The following WNK3 variants were observed in gnomAD, a reference collection of about 807,000 sequenced individuals.
WNK3 encodes serine/threonine-protein kinase WNK3.
A neutral mutation model predicts 116.7 loss-of-function variants in WNK3; 18 were observed. That is an observed-to-expected ratio of 0.15 (90% CI 0.11 to 0.23). The LOEUF is 0.23. Among genes scored for constraint, WNK3 ranks in the 10% least tolerant of loss-of-function variants. The probability of loss-of-function intolerance (pLI) is 1.00; values close to 1 mark genes in which losing one functional copy is unlikely to be tolerated. For synonymous variants in WNK3, 404 were observed against 469.4 expected (o/e 0.86, Z 1.80); for missense variants, 993 against 1,323.8 (o/e 0.75, Z 3.88).
chrX:54,292,862 T>A (rs2068654577), intron 10 of WNK3, 26 bp downstream of exon 10: 6 of 1,196,935 alleles, frequency 5.0e-6, no homozygotes, highest in Non-Finnish European at 5.6e-6. Context: ...TTTAAATGAA[T>A]ACAGAACCTC....
chrX:54,312,134 T>C (rs377149596), intron 2 of WNK3, among the ~76,000 whole-genome samples: 244 of 109,991 alleles, frequency 2.2e-3, no homozygotes, highest in Middle Eastern at 4.7e-3. Flanking sequence ...ATGGCTAACA[T>C]AGTGAGACCC....
chrX:54,313,278 C>T (rs112497243), intron 2 of WNK3, among the ~76,000 whole-genome samples: 2,751 of 110,703 alleles, frequency 0.025, 94 homozygotes, highest in African/African-American at 0.087. Context: ...ATATTTCTTG[C>T]TTGAAGGATA....
chrX:54,244,276 T>C (rs781835403), intron 17 of WNK3, among the ~76,000 whole-genome samples: 1 of 111,681 alleles, frequency 9.0e-6, no homozygotes, highest in East Asian at 2.8e-4. Flanking sequence ...ACAAAGAATA[T>C]GAAATAAGAT....
At chrX:54,353,871 C>G (rs1217848442) in intron 1 of WNK3, among the ~76,000 whole-genome samples, 2 of 109,665 alleles carry the variant, frequency 1.8e-5, no homozygotes, top group African/African-American at 6.6e-5. Flanking sequence ...ATCACAAGGT[C>G]AAGAGTTCGA....
intron 10 of WNK3, among the ~76,000 whole-genome samples, chrX:54,273,528 C>T (rs896111637): frequency 8.1e-5 from 9 of 111,574 alleles, no homozygotes; most frequent in Non-Finnish European, 1.5e-4. Context: ...GGCAACAGAG[C>T]GAGACTCCCA....
In WNK3 at chrX:54,232,989, G is replaced by A. The variant is rs2067919120; in HGVS notation, c.4660C>T (p.Gln1554Ter). 1 of 1,207,942 alleles carries A rather than the reference G, an allele frequency of 8.3e-7. No individual in the cohort carries two copies. The highest frequency in any genetic ancestry group is 2.2e-5 in the Admixed American group (1 of 45,400). Residue 1554 changes from glutamine (Q) to a stop codon, truncating the protein, a stop_gained, in exon 21 of 24, where the codon CAG becomes TAG. Transcript: ENST00000354646. LOFTEE classifies it high-confidence loss of function. ...AGCTCCTGCAGCTCCTTATTCTGCT[G>A]GGTTTGAAGATTTACCACCTCCTGA...
intron 11 of WNK3, among the ~76,000 whole-genome samples, chrX:54,257,496 CAT>C (rs2068205721): frequency 9.0e-6 from 1 of 111,196 alleles, no homozygotes; most frequent in Admixed American, 9.6e-5. Flanking sequence ...TGCTTGCTAA[CAT>C]AGAAGATTTC....
chrX:54,265,368 T>C (rs1557157410), intron 10 of WNK3, among the ~76,000 whole-genome samples: 1 of 111,411 alleles, frequency 9.0e-6, no homozygotes, highest in Non-Finnish European at 1.9e-5. Flanking sequence ...GTGCCTGTAA[T>C]TCCAGCTACT....
intron 22 of WNK3, among the ~76,000 whole-genome samples, chrX:54,206,087 T>C (rs1262130396): frequency 8.9e-6 from 1 of 111,962 alleles, no homozygotes. Flanking sequence ...TGTATTTTTC[T>C]ACTTGGATGT....
chrX:54,232,337 T>G (rs781908806), intron 21 of WNK3, among the ~76,000 whole-genome samples: 4 of 110,376 alleles, frequency 3.6e-5, no homozygotes, highest in African/African-American at 1.3e-4. Flanking sequence ...AGATGGGGTT[T>G]CGCCATGTTA....
intron 21 of WNK3, among the ~76,000 whole-genome samples, 167 bp from the exon 22 acceptor site, chrX:54,228,910 G>A (rs938512968): frequency 6.3e-5 from 7 of 111,296 alleles, no homozygotes; most frequent in Non-Finnish European, 1.3e-4. Context: ...CTTTCTCCTT[G>A]GAAGAACAAG....
At chrX:54,253,202 G>C (rs1456837791) in intron 13 of WNK3, among the ~76,000 whole-genome samples, 1 of 105,655 alleles carries the variant, frequency 9.5e-6, no homozygotes, top group Non-Finnish European at 1.9e-5. Context: ...AAAAAAAACA[G>C]AAAGAAAAAG....
chrX:54,302,444 G>A (rs1214554503), intron 5 of WNK3, among the ~76,000 whole-genome samples: 2 of 109,213 alleles, frequency 1.8e-5, no homozygotes, highest in Non-Finnish European at 3.8e-5. Flanking sequence ...GATTACAGGC[G>A]CACGCCACCA....
intron 5 of WNK3, among the ~76,000 whole-genome samples, chrX:54,302,198 A>G (rs1414462679): frequency 8.9e-6 from 1 of 112,051 alleles, no homozygotes; most frequent in Non-Finnish European, 1.9e-5. Flanking sequence ...ATAATTAATG[A>G]CATGGGAAAT....
intron 4 of WNK3, among the ~76,000 whole-genome samples, chrX:54,308,863 T>C (rs1557169168): frequency 8.9e-6 from 1 of 112,145 alleles, no homozygotes; most frequent in Non-Finnish European, 1.9e-5. Context: ...TTTTGCAGTT[T>C]GTATGGTCTC....
intron 10 of WNK3, among the ~76,000 whole-genome samples, chrX:54,267,816 C>A (rs1317326029): frequency 2.7e-5 from 3 of 109,830 alleles, no homozygotes; most frequent in South Asian, 4.0e-4. Context: ...ACAACAACAA[C>A]AAAAAAACCA....
intron 10 of WNK3, among the ~76,000 whole-genome samples, chrX:54,270,256 C>T: frequency 9.1e-6 from 1 of 109,738 alleles, no homozygotes; most frequent in Admixed American, 9.8e-5. Context: ...CAGGCATGCA[C>T]CACCACGCCC....
At chrX:54,232,087 C>CTG (rs1411625938) in intron 21 of WNK3, among the ~76,000 whole-genome samples, 1 of 98,082 alleles carries the variant, frequency 1.0e-5, no homozygotes, top group Non-Finnish European at 2.0e-5. Context: ...GTGTGTGTGT[C>CTG]TGTGTATATG....
chrX:54,295,188 G>A (rs1276239213), intron 7 of WNK3, among the ~76,000 whole-genome samples: 1 of 108,370 alleles, frequency 9.2e-6, no homozygotes, highest in Non-Finnish European at 1.9e-5. Context: ...GAGCCACCGC[G>A]CCCGGCCAAT....
Sources: gnomAD v4.1 joint callset for allele counts (sites outside exome capture counted in the v4.1 genomes callset) on GRCh38, gnomAD v4.1.1 for gene constraint, MANE v1.5 for transcripts, NCBI Gene and HGNC (gene_info 2026-07-23, HGNC 2026-07-21) for gene names.